The following THSD7B variants were observed in gnomAD, a reference collection of about 807,000 sequenced individuals.
The protein encoded by THSD7B is thrombospondin type 1 domain containing 7B.
In THSD7B, 138 loss-of-function variants were observed where a neutral mutation model predicts 213.6. The observed-to-expected ratio is 0.65, with a 90% CI of 0.56 to 0.74. The LOEUF is 0.74. Among genes scored for constraint, THSD7B ranks in the 30% least tolerant of loss-of-function variants. The pLI, the probability that THSD7B is intolerant of heterozygous loss-of-function variation, is 0.00. For synonymous variants in THSD7B, 742 were observed against 687.0 expected, an observed-to-expected ratio of 1.08 and a Z score of -1.25; for missense variants, 1,931 against 1,991.5, an observed-to-expected ratio of 0.97 and a Z score of 0.58.
rs774208201 is a variant in THSD7B at position 137,656,845 on chromosome 2, C to T, written c.4155C>T (p.Thr1385=). Residue 1385 remains threonine (T), a synonymous_variant, in exon 23 of 28, where the codon ACC becomes ACT. Coordinates refer to ENST00000409968, the MANE Select transcript of THSD7B (RefSeq NM_001316349.2). ...EWSEWSTCEL[T]CIDGRSFETV... ...CAGAGTGGAGCACATGTGAATTAACCTGCATTGATGGAAGAAGCTTTGAGA... is the reference window on the plus strand; with the variant it reads ...CAGAGTGGAGCACATGTGAATTAACTTGCATTGATGGAAGAAGCTTTGAGA... The T allele has an allele frequency of 1.2e-6, 2 of 1,613,956 alleles. No individual in the cohort carries two copies. The highest frequency in any genetic ancestry group is 1.3e-5 in the African/African-American group (1 of 75,014).
intron 4 of THSD7B, among the ~76,000 whole-genome samples, chr2:137,102,786 C>T (rs1341726754): frequency 6.6e-6 from 1 of 152,024 alleles, no homozygotes; most frequent in African/African-American, 2.4e-5. Context: ...GAAAGGATAT[C>T]AGAGATTGAA....
At chr2:137,590,836 T>C in intron 17 of THSD7B, among the ~76,000 whole-genome samples, 1 of 142,314 alleles carries the variant, frequency 7.0e-6, no homozygotes, top group African/African-American at 2.6e-5. Context: ...ACATAATACC[T>C]GATGGTATAA....
chr2:137,500,761 T>G (rs1445145775), intron 15 of THSD7B, among the ~76,000 whole-genome samples: 1 of 152,202 alleles, frequency 6.6e-6, no homozygotes, highest in Non-Finnish European at 1.5e-5. Flanking sequence ...TATGCACATG[T>G]TAGTAAAACA....
chr2:137,583,742 C>G (rs112102063), intron 17 of THSD7B, among the ~76,000 whole-genome samples: 32,890 of 152,024 alleles, frequency 0.22, 3,719 homozygotes, highest in Middle Eastern at 0.32. Context: ...GTTACTGTAG[C>G]CTTGTAGTAT....
At chr2:137,560,914 C>T (rs1351934933) in intron 15 of THSD7B, among the ~76,000 whole-genome samples, 1 of 152,020 alleles carries the variant, frequency 6.6e-6, no homozygotes, top group Non-Finnish European at 1.5e-5. Flanking sequence ...TAACTGGGGT[C>T]AGAGGAAGAG....
intron 4 of THSD7B, among the ~76,000 whole-genome samples, chr2:137,104,720 G>A (rs1489335501): frequency 2.0e-5 from 3 of 151,938 alleles, no homozygotes; most frequent in African/African-American, 7.2e-5. Flanking sequence ...AAATGATAAA[G>A]GGGATATCAC....
intron 1 of THSD7B, among the ~76,000 whole-genome samples, chr2:136,845,356 T>C (rs1961273): frequency 0.25 from 38,400 of 152,152 alleles, 5,843 homozygotes; most frequent in East Asian, 0.58. Context: ...GACCTGGCCT[T>C]GATACTAAAT....
chr2:137,466,665 C>A (rs1687996531), intron 15 of THSD7B, among the ~76,000 whole-genome samples: 1 of 152,038 alleles, frequency 6.6e-6, no homozygotes, highest in Non-Finnish European at 1.5e-5. Context: ...TACATGAAAC[C>A]AGTTTGCACG....
At chr2:136,942,788 A>T (rs1684851520) in intron 2 of THSD7B, among the ~76,000 whole-genome samples, 1 of 152,204 alleles carries the variant, frequency 6.6e-6, no homozygotes, top group African/African-American at 2.4e-5. Context: ...CAATCATGTC[A>T]TCTGCAAACA....
At chr2:137,575,049 C>T (rs1194909218) in intron 17 of THSD7B, among the ~76,000 whole-genome samples, 1 of 152,036 alleles carries the variant, frequency 6.6e-6, no homozygotes, top group Non-Finnish European at 1.5e-5. Flanking sequence ...GGTATTTTCT[C>T]CTCCAAAGAT....
intron 10 of THSD7B, among the ~76,000 whole-genome samples, chr2:137,260,573 G>T (rs1346942948): frequency 6.6e-6 from 1 of 152,138 alleles, no homozygotes; most frequent in Admixed American, 6.5e-5. Flanking sequence ...GATGAGCCTG[G>T]ACGACAAAGG....
At chr2:136,817,189 T>C (rs1189501544) in intron 1 of THSD7B, among the ~76,000 whole-genome samples, 1 of 152,140 alleles carries the variant, frequency 6.6e-6, no homozygotes, top group Non-Finnish European at 1.5e-5. Flanking sequence ...CCTTTAAGAG[T>C]AGAACTTACG....
chr2:136,951,267 CCT>C (rs1349394618), intron 2 of THSD7B, among the ~76,000 whole-genome samples: 1 of 152,016 alleles, frequency 6.6e-6, no homozygotes, highest in Non-Finnish European at 1.5e-5. Flanking sequence ...AATATTTTTT[CCT>C]CTCTCTCCCT....
At chr2:137,066,197 T>A (rs951154773) in intron 3 of THSD7B, among the ~76,000 whole-genome samples, 4 of 146,848 alleles carry the variant, frequency 2.7e-5, no homozygotes, top group Admixed American at 6.8e-5. Context: ...CACTTTTTTT[T>A]TTTTTTTTTT....
At chr2:137,572,621 C>T in intron 17 of THSD7B, 65 bp downstream of exon 17, 1 of 1,560,166 alleles carries the variant, frequency 6.4e-7, no homozygotes, top group East Asian at 2.3e-5. Context: ...GTTCGTTGTG[C>T]ATTCACAGTG....
intron 7 of THSD7B, among the ~76,000 whole-genome samples, chr2:137,210,460 A>T (rs1480158770): frequency 6.6e-6 from 1 of 152,114 alleles, no homozygotes; most frequent in Non-Finnish European, 1.5e-5. Context: ...AAAATTATCC[A>T]TTGAGGCTGA....
intron 16 of THSD7B, among the ~76,000 whole-genome samples, chr2:137,570,870 T>C (rs757182782): frequency 1.2e-4 from 18 of 152,178 alleles, no homozygotes; most frequent in Non-Finnish European, 2.4e-4. Flanking sequence ...ACTAAATGAA[T>C]CACTGACAAA....
intron 4 of THSD7B, among the ~76,000 whole-genome samples, chr2:137,101,716 G>A (rs984715104): frequency 2.0e-5 from 3 of 152,126 alleles, no homozygotes; most frequent in East Asian, 1.9e-4. Flanking sequence ...AGGGGTGTCC[G>A]CCATTACTGA....
chr2:136,986,583 T>C (rs1380936365), intron 2 of THSD7B, among the ~76,000 whole-genome samples: 1 of 152,220 alleles, frequency 6.6e-6, no homozygotes, highest in African/African-American at 2.4e-5. Context: ...TTTATAGTAA[T>C]GCACACGGAG....
Sources: allele counts gnomAD v4.1 joint callset (sites outside exome capture counted in the v4.1 genomes callset), GRCh38; gene constraint gnomAD v4.1.1; transcripts MANE v1.5; gene names NCBI Gene and HGNC (gene_info 2026-07-23, HGNC 2026-07-21).